Variants in ZC3H12B observed in about 807,000 individuals in gnomAD.
ZC3H12B encodes zinc finger CCCH-type containing 12B.
In ZC3H12B, 7 loss-of-function variants were observed where a neutral mutation model predicts 43.9. That is an observed-to-expected ratio of 0.16 (90% CI 0.09 to 0.30). The LOEUF (loss-of-function observed/expected upper bound fraction) is 0.30, where lower values mean the gene tolerates loss of function less well. Ranked by LOEUF, ZC3H12B falls within the 10% of genes least tolerant of loss-of-function variation. ZC3H12B has a pLI of 1.00. For missense variants in ZC3H12B, 475 were observed against 670.2 expected (o/e 0.71, Z 3.22); for synonymous variants, 222 against 241.7 (o/e 0.92, Z 0.76).
the ZC3H12B span, among the ~76,000 whole-genome samples, chrX:65,068,793 C>G: frequency 9.0e-6 from 1 of 111,312 alleles, no homozygotes; most frequent in African/African-American, 3.3e-5. Context: ...TTTAACATTT[C>G]TTGGAGAATG....
chrX:65,387,453 G>A lies in ZC3H12B; in HGVS notation n.296-11140G>A, dbSNP rs376685513. ...TTGAAGTCTGTTTTATCAGAGACTA[G>A]GATTGTAACCCCTGCCTTTTTCTGT... is the stretch of plus-strand genomic sequence containing the variant. On this transcript the variant is annotated intron_variant and non_coding_transcript_variant, in intron 2 of 5. Transcript: ENST00000617377. 9.0e-5 allele frequency among the ~76,000 whole-genome samples: 10 copies of A among 111,481 alleles called. No homozygotes were observed. The East Asian group carries it at 2.8e-3, about 31-fold the overall frequency.
the ZC3H12B span, among the ~76,000 whole-genome samples, chrX:65,250,875 C>G: frequency 9.0e-6 from 1 of 111,449 alleles, no homozygotes; most frequent in Non-Finnish European, 1.9e-5. Flanking sequence ...AATTTTCTCC[C>G]ATTCTGTAGG....
At chrX:65,066,097 C>A in the ZC3H12B span, among the ~76,000 whole-genome samples, 1 of 109,151 alleles carries the variant, frequency 9.2e-6, no homozygotes, top group African/African-American at 3.3e-5. Flanking sequence ...ATGCTCCTCG[C>A]CTTGGAGGAG....
chrX:65,336,462 A>G, the ZC3H12B span, among the ~76,000 whole-genome samples: 1 of 110,901 alleles, frequency 9.0e-6, no homozygotes, highest in African/African-American at 3.3e-5. Flanking sequence ...CTCCAGCCAG[A>G]GCAAAATACA....
the ZC3H12B span, among the ~76,000 whole-genome samples, chrX:65,212,669 T>C: frequency 5.7e-5 from 5 of 88,166 alleles, no homozygotes; most frequent in Admixed American, 1.5e-4. Context: ...TATATAAATA[T>C]ATATGATTTA....
At chrX:65,204,887 C>A in the ZC3H12B span, among the ~76,000 whole-genome samples, 1 of 111,979 alleles carries the variant, frequency 8.9e-6, no homozygotes, top group South Asian at 3.7e-4. Flanking sequence ...TCATTTCCTA[C>A]TTCTTTTCTC....
chrX:65,357,262 G>T, the ZC3H12B span: 1 of 357,492 alleles, frequency 2.8e-6, no homozygotes, highest in Non-Finnish European at 5.1e-6. Flanking sequence ...TCAATAGGAT[G>T]GTAGGATGAC....
chrX:65,361,951 A>G (rs1298301947), upstream of ZC3H12B, among the ~76,000 whole-genome samples: 1 of 112,430 alleles, frequency 8.9e-6, no homozygotes, highest in African/African-American at 3.2e-5. Flanking sequence ...CGCAGCAGCC[A>G]GGCATTCCTC....
the ZC3H12B span, among the ~76,000 whole-genome samples, chrX:65,233,369 T>A: frequency 9.0e-6 from 1 of 111,244 alleles, no homozygotes; most frequent in East Asian, 2.8e-4. Context: ...TCTTAAGTAA[T>A]TCAAAAAAAT....
At chrX:65,219,851 CAA>C in the ZC3H12B span, among the ~76,000 whole-genome samples, 1 of 104,392 alleles carries the variant, frequency 9.6e-6, no homozygotes, top group South Asian at 4.4e-4. Context: ...CACACACACA[CAA>C]AACACCTGGG....
At chrX:65,082,319 C>A in the ZC3H12B span, among the ~76,000 whole-genome samples, 258 of 110,718 alleles carry the variant, frequency 2.3e-3, no homozygotes, top group African/African-American at 8.3e-3. Context: ...TACAAATGAC[C>A]TAAGAAACAA....
the ZC3H12B span, among the ~76,000 whole-genome samples, chrX:65,067,396 G>A: frequency 9.0e-6 from 1 of 111,344 alleles, no homozygotes; most frequent in African/African-American, 3.3e-5. Context: ...CTAGGGGAGG[G>A]AGTTCACCGG....
chrX:65,331,725 G>C, the ZC3H12B span, among the ~76,000 whole-genome samples: 3 of 110,839 alleles, frequency 2.7e-5, no homozygotes, highest in Non-Finnish European at 5.7e-5. Flanking sequence ...GCTAAGCAAG[G>C]GGTGTATTAT....
At chrX:65,373,984 C>G (rs368530136) in intron 2 of ZC3H12B, among the ~76,000 whole-genome samples, 5 of 6,113 alleles carry the variant, frequency 8.2e-4, no homozygotes, top group East Asian at 9.3e-3. Context: ...TATATATATA[C>G]TATATATATA....
the ZC3H12B span, among the ~76,000 whole-genome samples, chrX:65,258,082 C>T: frequency 1.8e-5 from 2 of 111,470 alleles, no homozygotes; most frequent in Non-Finnish European, 3.8e-5. Flanking sequence ...GACACACACA[C>T]AAAAAGGAAA....
intron 1 of ZC3H12B, among the ~76,000 whole-genome samples, chrX:65,368,166 G>A (rs1328214883): frequency 8.9e-6 from 1 of 111,925 alleles, no homozygotes; most frequent in African/African-American, 3.2e-5. Context: ...GGTAGAAAGG[G>A]ATGGCTATTC....
chrX:65,283,226 G>A, the ZC3H12B span, among the ~76,000 whole-genome samples: 64 of 111,301 alleles, frequency 5.8e-4, no homozygotes, highest in Non-Finnish European at 8.9e-4. Context: ...CAAAAACCAC[G>A]GGATTATCTC....
the ZC3H12B span, among the ~76,000 whole-genome samples, chrX:65,202,088 G>A: frequency 2.4e-4 from 20 of 84,456 alleles, no homozygotes; most frequent in Non-Finnish European, 4.5e-4. Flanking sequence ...TATAATATAT[G>A]TAATATATAT....
the ZC3H12B span, among the ~76,000 whole-genome samples, chrX:65,059,077 A>T: frequency 9.0e-6 from 1 of 111,515 alleles, no homozygotes; most frequent in East Asian, 2.8e-4. Flanking sequence ...CACTGCACCC[A>T]CTGTCCTGCA....
Sources: gnomAD v4.1 joint callset for allele counts (sites outside exome capture counted in the v4.1 genomes callset) on GRCh38, gnomAD v4.1.1 for gene constraint, MANE v1.5 for transcripts, NCBI Gene and HGNC (gene_info 2026-07-23, HGNC 2026-07-21) for gene names.